The following TMEM255B variants were observed in gnomAD, a reference collection of about 807,000 sequenced individuals.
The protein encoded by TMEM255B is transmembrane protein 255B, also known as family with sequence similarity 70, member B.
Under a neutral mutation model 34.5 loss-of-function variants are expected in TMEM255B, and 35 were observed. The ratio of observed to expected loss-of-function variants is 1.01; its 90% confidence interval spans 0.77 to 1.34. The LOEUF (loss-of-function observed/expected upper bound fraction) is 1.34, where lower values mean the gene tolerates loss of function less well. Among genes scored for constraint, TMEM255B ranks in the 40% most tolerant of loss-of-function variants. The pLI, the probability that TMEM255B is intolerant of heterozygous loss-of-function variation, is 0.00. For synonymous variants in TMEM255B, 206 were observed against 201.2 expected, an observed-to-expected ratio of 1.02 and a Z score of -0.20; for missense variants, 432 against 433.2, an observed-to-expected ratio of 1.00 and a Z score of 0.02.
chr13:113,765,390 C>T (rs1021154000), intron 1 of TMEM255B, among the ~76,000 whole-genome samples: 9 of 152,232 alleles, frequency 5.9e-5, no homozygotes, highest in Admixed American at 6.5e-5. Flanking sequence ...TCTTCAGATG[C>T]GGACCTTCTA....
At chr13:113,776,795 G>T (rs2050586398) in intron 3 of TMEM255B, among the ~76,000 whole-genome samples, 1 of 152,152 alleles carries the variant, frequency 6.6e-6, no homozygotes, top group African/African-American at 2.4e-5. Flanking sequence ...CTCCCATCCT[G>T]ATGCGTGAGC....
intron 7 of TMEM255B, among the ~76,000 whole-genome samples, chr13:113,804,120 G>A (rs537163128): frequency 9.2e-5 from 14 of 152,330 alleles, no homozygotes; most frequent in Admixed American, 1.3e-4. Context: ...CCCAGTCCCC[G>A]CGTTTCTGGC....
intron 2 of TMEM255B, chr13:113,768,749 C>T: frequency 1.6e-5 from 7 of 427,984 alleles, no homozygotes; most frequent in South Asian, 1.2e-4. Flanking sequence ...CATCTCAGGC[C>T]TGGAGAAGAC....
chr13:113,766,552 A>G, intron 2 of TMEM255B: 1 of 458,404 alleles, frequency 2.2e-6, no homozygotes, highest in South Asian at 2.1e-5. Flanking sequence ...CAGGGTGACC[A>G]GAGGGCAGGA....
intron 3 of TMEM255B, among the ~76,000 whole-genome samples, chr13:113,774,153 G>C (rs1477989749): frequency 4.1e-5 from 6 of 146,002 alleles, no homozygotes; most frequent in Non-Finnish European, 8.9e-5. Context: ...ATGTTGTTTA[G>C]AAGCAAATGC....
Position 113,801,172 on chromosome 13 carries a change from A to C in TMEM255B, c.509+260A>C, listed in dbSNP as rs1014918156. Among the ~76,000 whole-genome samples, 5 of 152,304 alleles carry C rather than the reference A, an allele frequency of 3.3e-5. No homozygotes were observed. The East Asian group carries it at 9.7e-4, about 29-fold the overall frequency. On this transcript the variant is annotated intron_variant, in intron 6 of 8. Coordinates refer to ENST00000375353, the MANE Select transcript of TMEM255B (RefSeq NM_182614.4). ...TTAGATGTTTACATGAGGAAAGGAC[A>C]TTGAGTCCATTTCACAGATGAAAAG...
intron 4 of TMEM255B, among the ~76,000 whole-genome samples, chr13:113,795,505 GAGCACAC>G (rs2050907317): frequency 1.6e-5 from 2 of 126,092 alleles, no homozygotes; most frequent in South Asian, 5.2e-4. Flanking sequence ...CACCACAACA[GAGCACAC>G]AGCACACAAC....
chr13:113,780,930 T>C (rs114035084), intron 3 of TMEM255B, among the ~76,000 whole-genome samples: 3,854 of 152,308 alleles, frequency 0.025, 159 homozygotes, highest in African/African-American at 0.087. Context: ...ATCAGAATTA[T>C]AGAAGTCTCC....
chr13:113,801,171 C>T (rs1276721653), intron 6 of TMEM255B, among the ~76,000 whole-genome samples: 1 of 152,214 alleles, frequency 6.6e-6, no homozygotes, highest in African/African-American at 2.4e-5. Flanking sequence ...GAGGAAAGGA[C>T]ATTGAGTCCA....
rs2138593757 is a variant in TMEM255B at position 113,812,936 on chromosome 13, G to A, written c.*1033G>A. ...CCCGGGTGAGTCACGGGTCCCGGGTGGGTCACGGGTCCCGGGTGGGTCACG... is the reference window on the plus strand; with the variant it reads ...CCCGGGTGAGTCACGGGTCCCGGGTAGGTCACGGGTCCCGGGTGGGTCACG... On this transcript the variant is annotated 3_prime_UTR_variant, in exon 9 of 9. Coordinates refer to ENST00000375353, the MANE Select transcript of TMEM255B (RefSeq NM_182614.4). 7.2e-6 allele frequency: 1 copy of A among 138,206 alleles called. No homozygotes were observed. Among genetic ancestry groups the A allele is most frequent in the African/African-American group, 2.9e-5 (1 of 34,150 alleles). 8.6% of individuals were successfully genotyped at this position (138,206 alleles called of 1,614,324 possible). A position where few individuals can be genotyped will look rare whatever the true frequency, so the allele number is the denominator to read the frequency against.
chr13:113,778,515 G>A (rs1376609715), intron 3 of TMEM255B, among the ~76,000 whole-genome samples: 1 of 149,720 alleles, frequency 6.7e-6, no homozygotes, highest in Non-Finnish European at 1.5e-5. Context: ...CTGTGGTACT[G>A]TGGCGTCTTC....
chr13:113,796,702 G>C (rs1201199526), intron 4 of TMEM255B, among the ~76,000 whole-genome samples: 1 of 152,224 alleles, frequency 6.6e-6, no homozygotes, highest in Non-Finnish European at 1.5e-5. Context: ...GGGCTCCTGG[G>C]TGGGCTCTCG....
At position 113,770,018 on chromosome 13, in the gene TMEM255B, G is replaced by C. The variant is rs1238668030; in HGVS notation, c.252+858G>C. 6.6e-6 allele frequency among the ~76,000 whole-genome samples: 1 copy of C among 152,106 alleles called. No individual in the cohort carries two copies. The highest frequency in any genetic ancestry group is 1.5e-5 in the Non-Finnish European group (1 of 68,014). ...TCCCAGTTCCCAGGCCGAGAGGGAG[G>C]GTGAGATGGCTGGGCCGCGGTGTAT... On this transcript the variant is annotated intron_variant, in intron 3 of 8. Transcript: ENST00000375353. The surrounding 1 kb of genome is among the most constrained non-coding windows in gnomAD (Gnocchi z 4.6).
In TMEM255B at chr13:113,770,655, T is replaced by C. The variant is rs370245721; in HGVS notation, c.252+1495T>C. Among the ~76,000 whole-genome samples, 6 of 152,188 alleles carry C rather than the reference T, an allele frequency of 3.9e-5. No homozygotes were observed. Among genetic ancestry groups the C allele is most frequent in the African/African-American group, 1.2e-4 (5 of 41,524 alleles). ...ACGGAGAGATAGGCCCGGCATTTCC[T>C]CTCCCACCCACCCCCTGTTGTTGGC... is the stretch of plus-strand genomic sequence containing the variant. On this transcript the variant is annotated intron_variant, in intron 3 of 8. Transcript: ENST00000375353. This position sits in a 1 kb window ranked among gnomAD's most constrained non-coding sequence, Gnocchi z 4.6.
At chr13:113,763,497 C>T (rs755447690) in intron 1 of TMEM255B, among the ~76,000 whole-genome samples, 1 of 152,102 alleles carries the variant, frequency 6.6e-6, no homozygotes, top group East Asian at 1.9e-4. Context: ...GGCAAACGAC[C>T]GTGAACATAT....
intron 3 of TMEM255B, 81 bp from the exon 4 acceptor site, chr13:113,795,067 G>A (rs745788935): frequency 5.4e-4 from 715 of 1,323,470 alleles, no homozygotes; most frequent in Middle Eastern, 2.4e-3. Context: ...CCCCGACCTC[G>A]AGCTGGGACT....
chr13:113,790,933 G>A (rs1387470924), intron 3 of TMEM255B, among the ~76,000 whole-genome samples: 2 of 152,258 alleles, frequency 1.3e-5, no homozygotes, highest in African/African-American at 4.8e-5. Context: ...AGAGCGGGAG[G>A]AAGGACAGCC....
intron 2 of TMEM255B, 139 bp downstream of exon 2, chr13:113,766,396 A>G (rs1221288059): frequency 2.4e-6 from 3 of 1,246,292 alleles, no homozygotes; most frequent in Middle Eastern, 1.9e-4. Context: ...CGGCAGGGTT[A>G]TGGCCCCCAC....
chr13:113,815,288 G>A lies in TMEM255B; in HGVS notation c.*3385G>A, dbSNP rs947148927. On this transcript the variant is annotated 3_prime_UTR_variant, in exon 9 of 9. Coordinates refer to ENST00000375353, the MANE Select transcript of TMEM255B (RefSeq NM_182614.4). ...CCGTCCACGTGGGGTCACCGGCCAC[G>A]GAGAGAGGAAGGGACATGGGTGACG... The A allele has an allele frequency of 1.3e-5, 2 of 148,584 alleles. No individual in the cohort carries two copies. Among genetic ancestry groups the A allele is most frequent in the Non-Finnish European group, 3.0e-5 (2 of 67,620 alleles). 9.2% of individuals were successfully genotyped at this position (148,584 alleles called of 1,614,324 possible).
Sources: gnomAD v4.1 joint callset for allele counts (sites outside exome capture counted in the v4.1 genomes callset) on GRCh38, gnomAD v4.1.1 for gene constraint, Gnocchi (gnomAD v3.1) non-coding constraint, MANE v1.5 for transcripts, NCBI Gene and HGNC (gene_info 2026-07-23, HGNC 2026-07-21) for gene names.